SLC26A7: variants seen among roughly 807,000 people sequenced by gnomAD.
The protein encoded by SLC26A7 is anion exchange transporter.
A neutral mutation model predicts 82.5 loss-of-function variants in SLC26A7; 59 were observed. The observed-to-expected ratio is 0.72, with a 90% CI of 0.58 to 0.89. The LOEUF (loss-of-function observed/expected upper bound fraction) is 0.89, where lower values mean the gene tolerates loss of function less well. Ranked by LOEUF, SLC26A7 falls within the 40% of genes least tolerant of loss-of-function variation. The pLI is 0.00. For missense variants in SLC26A7, 820 were observed against 793.0 expected, an observed-to-expected ratio of 1.03 and a Z score of -0.41; for synonymous variants, 271 against 274.3, an observed-to-expected ratio of 0.99 and a Z score of 0.12.
chr8:91,367,102 G>A (rs1814216753), intron 14 of SLC26A7, among the ~76,000 whole-genome samples: 1 of 151,926 alleles, frequency 6.6e-6, no homozygotes, highest in Non-Finnish European at 1.5e-5. Context: ...CCGCCTCCCG[G>A]GTTCACGCCA....
chr8:91,213,365 A>G (rs1269929851), intron 1 of SLC26A7, among the ~76,000 whole-genome samples: 1 of 152,214 alleles, frequency 6.6e-6, no homozygotes, highest in Non-Finnish European at 1.5e-5. Context: ...ACAGGAAACC[A>G]GGACTGTCCT....
upstream of SLC26A7, among the ~76,000 whole-genome samples, chr8:91,247,431 C>T (rs376423640): frequency 6.6e-6 from 1 of 152,028 alleles, no homozygotes; most frequent in East Asian, 1.9e-4. Flanking sequence ...GTTTTTCTTT[C>T]TTTCTGGCAT....
chr8:91,378,703 A>G (rs1489875534), intron 15 of SLC26A7, among the ~76,000 whole-genome samples: 2 of 151,672 alleles, frequency 1.3e-5, no homozygotes, highest in Admixed American at 6.6e-5. Context: ...TCTCATGACC[A>G]TACACTGGGT....
At chr8:91,335,487 A>G (rs747351818) in intron 6 of SLC26A7, among the ~76,000 whole-genome samples, 14 of 152,162 alleles carry the variant, frequency 9.2e-5, no homozygotes, top group Non-Finnish European at 1.8e-4. Flanking sequence ...GAAACATACC[A>G]TCTTATCTTG....
chr8:91,380,733 T>A (rs766716670), intron 15 of SLC26A7, among the ~76,000 whole-genome samples: 10 of 152,206 alleles, frequency 6.6e-5, no homozygotes, highest in Non-Finnish European at 1.0e-4. Flanking sequence ...TTTGGCAATG[T>A]CTTATAAAGT....
intron 14 of SLC26A7, among the ~76,000 whole-genome samples, chr8:91,368,063 T>C (rs935334183): frequency 1.3e-5 from 2 of 152,180 alleles, no homozygotes; most frequent in Admixed American, 6.5e-5. Context: ...GATTTCAAGA[T>C]GGTGACAGAA....
upstream of SLC26A7, among the ~76,000 whole-genome samples, chr8:91,246,581 T>A (rs1810546856): frequency 6.6e-6 from 1 of 151,982 alleles, no homozygotes; most frequent in South Asian, 2.1e-4. Flanking sequence ...GCACCTGTAA[T>A]CCCAGCTATT....
chr8:91,260,940 G>A (rs186883161), intron 2 of SLC26A7, among the ~76,000 whole-genome samples: 88 of 152,180 alleles, frequency 5.8e-4, no homozygotes, highest in African/African-American at 2.1e-3. Context: ...TTGAATATAT[G>A]TAAATTTACC....
chr8:91,346,330 A>ACAT (rs1228822013), intron 9 of SLC26A7, among the ~76,000 whole-genome samples: 7 of 152,142 alleles, frequency 4.6e-5, no homozygotes, highest in African/African-American at 1.7e-4. Context: ...TATGTGGGTA[A>ACAT]AACTGATAAC....
chr8:91,220,146 C>G (rs1220226324), intron 2 of SLC26A7, among the ~76,000 whole-genome samples: 2 of 151,956 alleles, frequency 1.3e-5, no homozygotes, highest in Non-Finnish European at 2.9e-5. Context: ...AAGTTCAGGC[C>G]CCACTGAGAC....
Position 91,396,294 on chromosome 8 carries a change from T to G in SLC26A7, c.*1197T>G, listed in dbSNP as rs985936077. On this transcript the variant is annotated 3_prime_UTR_variant, in exon 19 of 19. Coordinates refer to ENST00000276609, the MANE Select transcript of SLC26A7 (RefSeq NM_052832.4). ...TTCAAAGATAGGCATAGACACATAA[T>G]TATGCTTAAGCTTTTAACAGCATTT... 4 of 152,070 alleles carry G rather than the reference T, an allele frequency of 2.6e-5. No individual in the cohort carries two copies. The highest frequency in any genetic ancestry group is 5.9e-5 in the Non-Finnish European group (4 of 67,918). 9.4% of individuals were successfully genotyped at this position (152,070 alleles called of 1,614,324 possible).
intron 14 of SLC26A7, among the ~76,000 whole-genome samples, chr8:91,367,710 C>T (rs1376035744): frequency 6.6e-6 from 1 of 152,222 alleles, no homozygotes; most frequent in African/African-American, 2.4e-5. Flanking sequence ...GTTTGGCCTA[C>T]TCAACACTAT....
Position 91,395,077 on chromosome 8 carries a change from A to G in SLC26A7, c.1951A>G (p.Ser651Gly). The change falls in exon 19 of 19, where the codon AGT (serine) becomes GGT (glycine). Residue 651 changes from serine to glycine, a missense_variant. Ser to Gly is a moderately conservative substitution (Grantham distance 56). Coordinates refer to ENST00000276609, the MANE Select transcript of SLC26A7 (RefSeq NM_052832.4). ...GGTATTTCAGAATTTGAGCAAACTC[A>G]GTGACCACAGTGAAGTCTGAGACCC... ...IHSNKNLSKL[S>G]DHSEV 1.2e-6 allele frequency: 2 copies of G among 1,613,468 alleles called. No homozygotes were observed. Among genetic ancestry groups the G allele is most frequent in the South Asian group, 1.1e-5 (1 of 91,070 alleles).
At chr8:91,393,199 T>A (rs540843810) in intron 16 of SLC26A7, among the ~76,000 whole-genome samples, 2 of 152,262 alleles carry the variant, frequency 1.3e-5, no homozygotes, top group East Asian at 3.9e-4. Context: ...GAATTTAAGA[T>A]CAGAGCCTTT....
chr8:91,245,556 T>C (rs1399699172), upstream of SLC26A7, among the ~76,000 whole-genome samples: 1 of 152,160 alleles, frequency 6.6e-6, no homozygotes, highest in African/African-American at 2.4e-5. Context: ...TTAGAAATGC[T>C]GTAGATCAAC....
At chr8:91,389,094 G>A (rs1814882016) in intron 15 of SLC26A7, among the ~76,000 whole-genome samples, 1 of 152,062 alleles carries the variant, frequency 6.6e-6, no homozygotes, top group African/African-American at 2.4e-5. Flanking sequence ...AAATGATACT[G>A]GTAATTAACC....
At chr8:91,221,213 G>A (rs2130663508) in intron 2 of SLC26A7, among the ~76,000 whole-genome samples, 1 of 152,212 alleles carries the variant, frequency 6.6e-6, no homozygotes, top group Admixed American at 6.5e-5. Context: ...TTTTGATGGG[G>A]TTGTTGGTCT....
intron 2 of SLC26A7, among the ~76,000 whole-genome samples, chr8:91,275,436 C>T (rs1448529974): frequency 3.3e-5 from 5 of 152,074 alleles, no homozygotes; most frequent in Non-Finnish European, 7.4e-5. Flanking sequence ...GTAGCTGGGA[C>T]TACAGGCATG....
chr8:91,307,701 A>T (rs1812356108), intron 4 of SLC26A7, among the ~76,000 whole-genome samples: 1 of 139,846 alleles, frequency 7.2e-6, no homozygotes, highest in South Asian at 2.5e-4. Flanking sequence ...CTAATGCTAG[A>T]TGACGAGTTA....
Sources: allele counts gnomAD v4.1 joint callset (sites outside exome capture counted in the v4.1 genomes callset), GRCh38; gene constraint gnomAD v4.1.1; transcripts MANE v1.5; gene names NCBI Gene and HGNC (gene_info 2026-07-23, HGNC 2026-07-21).